The following ANKRD11 variants were observed in gnomAD, a reference collection of about 807,000 sequenced individuals.
ANKRD11 encodes the protein ankyrin repeat domain-containing protein 11.
Under a neutral mutation model 195.7 loss-of-function variants are expected in ANKRD11, and 17 were observed. That is an observed-to-expected ratio of 0.09 (90% CI 0.06 to 0.13). ANKRD11 has a LOEUF of 0.13. Among genes scored for constraint, ANKRD11 ranks in the 10% least tolerant of loss-of-function variants. ANKRD11 has a pLI of 1.00. For synonymous variants in ANKRD11, 1,953 were observed against 1,528.1 expected, an observed-to-expected ratio of 1.28 and a Z score of -6.49; for missense variants, 3,735 against 3,566.1, an observed-to-expected ratio of 1.05 and a Z score of -1.21.
chr16:89,447,380 C>G (rs572771099), intron 1 of ANKRD11, among the ~76,000 whole-genome samples: 1 of 152,262 alleles, frequency 6.6e-6, no homozygotes, highest in South Asian at 2.1e-4. Context: ...ACAAGGGGGC[C>G]TGAGGTGCCA....
chr16:89,339,675 A>G (rs900770483), intron 2 of ANKRD11, among the ~76,000 whole-genome samples: 33 of 152,344 alleles, frequency 2.2e-4, no homozygotes, highest in African/African-American at 7.0e-4. Context: ...GCACACAGAA[A>G]AGGATGAAGG....
chr16:89,310,370 C>T (rs1206048677), intron 3 of ANKRD11, among the ~76,000 whole-genome samples: 1 of 152,254 alleles, frequency 6.6e-6, no homozygotes, highest in African/African-American at 2.4e-5. Flanking sequence ...TGAAACTACA[C>T]TGTCTGCATC....
intron 11 of ANKRD11, chr16:89,271,476 A>G (rs2033148733): frequency 5.5e-6 from 1 of 181,038 alleles, no homozygotes; most frequent in Admixed American, 5.3e-5. Flanking sequence ...TGTGTCCTGA[A>G]GGGTGGACAC....
chr16:89,322,384 T>C (rs1001963227), intron 2 of ANKRD11, among the ~76,000 whole-genome samples: 1 of 151,960 alleles, frequency 6.6e-6, no homozygotes, highest in Non-Finnish European at 1.5e-5. Context: ...CTTATGTAAG[T>C]TAATAACTCC....
intron 2 of ANKRD11, among the ~76,000 whole-genome samples, chr16:89,381,580 T>C (rs1381726173): frequency 6.6e-6 from 1 of 152,194 alleles, no homozygotes; most frequent in African/African-American, 2.4e-5. Context: ...GTAACTTACA[T>C]GCGATGATAC....
At chr16:89,332,391 A>G (rs565562256) in intron 2 of ANKRD11, among the ~76,000 whole-genome samples, 1 of 152,306 alleles carries the variant, frequency 6.6e-6, no homozygotes, top group Admixed American at 6.5e-5. Flanking sequence ...GAGCCCCCCA[A>G]GTCCCCGAGG....
chr16:89,359,587 C>T (rs1052284650), intron 2 of ANKRD11, among the ~76,000 whole-genome samples: 3 of 152,216 alleles, frequency 2.0e-5, no homozygotes, highest in African/African-American at 4.8e-5. Context: ...GCCTTGGCTG[C>T]TGGCCGAAAC....
At chr16:89,373,386 A>G (rs993802121) in intron 2 of ANKRD11, 3 of 152,322 alleles carry the variant, frequency 2.0e-5, no homozygotes, top group African/African-American at 7.2e-5. Context: ...ATTCCAAAAC[A>G]CACGCCTTCC....
rs905579696 is a variant in ANKRD11 at position 89,280,115 on chromosome 16, G to A, written c.6427C>T (p.Leu2143=). The A allele has an allele frequency of 6.8e-6, 11 of 1,612,752 alleles. No homozygotes were observed. Among genetic ancestry groups the A allele is most frequent in the Middle Eastern group, 1.7e-4 (1 of 6,050 alleles). Residue 2143 remains leucine (L), a synonymous_variant, in exon 9 of 13, where the codon CTG becomes TTG. Coordinates refer to ENST00000301030, the MANE Select transcript of ANKRD11 (RefSeq NM_013275.6). ...CCATCTGCGGCATCTTTAGTCTGCA[G>A]GGGAAGCTCCGGCAGGGAGAAGGGC... ...LGPFSLPELP[L]QTKDAADGEA... is the part of the protein sequence containing the mutation.
chr16:89,386,291 CTTGA>C (rs1285188544), intron 2 of ANKRD11, among the ~76,000 whole-genome samples: 1 of 150,944 alleles, frequency 6.6e-6, no homozygotes, highest in African/African-American at 2.4e-5. Flanking sequence ...TTTTTTAAAG[CTTGA>C]TTATTAAGAC....
intron 2 of ANKRD11, among the ~76,000 whole-genome samples, chr16:89,377,185 A>T (rs545086178): frequency 1.3e-3 from 195 of 152,296 alleles, no homozygotes; most frequent in African/African-American, 4.6e-3. Context: ...AACACAGCGT[A>T]TCTAATTCAG....
chr16:89,435,174 C>T (rs2043160268), intron 1 of ANKRD11, among the ~76,000 whole-genome samples: 1 of 152,154 alleles, frequency 6.6e-6, no homozygotes, highest in African/African-American at 2.4e-5. Flanking sequence ...CCAATCAGCA[C>T]TCTGTAAAAA....
Position 89,279,796 on chromosome 16 carries a change from C to A in ANKRD11, c.6746G>T (p.Arg2249Leu), listed in dbSNP as rs201043388. 2.0e-6 allele frequency: 3 copies of A among 1,538,216 alleles called. No homozygotes were observed. Among genetic ancestry groups the A allele is most frequent in the South Asian group, 2.4e-5 (2 of 84,296 alleles). ...VEPAPVPPEQ[R>L]PLGSGDQGAE... Reference sequence around the variant, plus strand: ...CCCCTGGTCTCCGCTCCCCAGTGGGCGCTGTTCTGGGGGAACGGGCGCGGG... The same window carrying A: ...CCCCTGGTCTCCGCTCCCCAGTGGGAGCTGTTCTGGGGGAACGGGCGCGGG... The change falls in exon 9 of 13, where the codon CGC (arginine) becomes CTC (leucine). Residue 2249 changes from arginine (R) to leucine (L), a missense_variant. Physicochemically the swap from Arg to Leu is moderately radical, Grantham distance 102. Coordinates refer to ENST00000301030, the MANE Select transcript of ANKRD11 (RefSeq NM_013275.6). This position sits in a 1 kb window ranked among gnomAD's most constrained non-coding sequence, Gnocchi z 5.6.
chr16:89,487,423 A>T (rs1404657022), intron 1 of ANKRD11, among the ~76,000 whole-genome samples: 2 of 152,242 alleles, frequency 1.3e-5, no homozygotes, highest in Admixed American at 1.3e-4. Flanking sequence ...CATATGCAAA[A>T]TAAGACTCCT....
intron 1 of ANKRD11, among the ~76,000 whole-genome samples, chr16:89,484,126 T>C (rs535719840): frequency 6.6e-5 from 10 of 152,342 alleles, no homozygotes; most frequent in African/African-American, 2.4e-4. Flanking sequence ...GGTTATTCAG[T>C]GCTCTGCACA....
chr16:89,478,176 C>A (rs933942928), intron 1 of ANKRD11, among the ~76,000 whole-genome samples: 1 of 152,142 alleles, frequency 6.6e-6, no homozygotes, highest in Non-Finnish European at 1.5e-5. Context: ...TGACAGTGGC[C>A]CAGCTGCCTC....
chr16:89,329,323 A>C (rs2037922448), intron 2 of ANKRD11, among the ~76,000 whole-genome samples: 1 of 152,190 alleles, frequency 6.6e-6, no homozygotes, highest in South Asian at 2.1e-4. Context: ...CCACTGGGCG[A>C]AGGTGGGGAA....
intron 2 of ANKRD11, among the ~76,000 whole-genome samples, chr16:89,366,587 G>A (rs1190438867): frequency 6.6e-6 from 1 of 152,198 alleles, no homozygotes; most frequent in Non-Finnish European, 1.5e-5. Context: ...GTTTCCACTC[G>A]CTGAAATCAG....
At chr16:89,395,182 T>TA (rs1285238552) in intron 2 of ANKRD11, among the ~76,000 whole-genome samples, 1 of 152,188 alleles carries the variant, frequency 6.6e-6, no homozygotes, top group Non-Finnish European at 1.5e-5. Context: ...TCTAAAAAGT[T>TA]AGAGGCTTGG....
Sources: gnomAD v4.1 joint callset for allele counts (sites outside exome capture counted in the v4.1 genomes callset) on GRCh38, gnomAD v4.1.1 for gene constraint, Gnocchi (gnomAD v3.1) non-coding constraint, MANE v1.5 for transcripts, NCBI Gene and HGNC (gene_info 2026-07-23, HGNC 2026-07-21) for gene names.